LINGO2: variants seen among roughly 807,000 people sequenced by gnomAD.
LINGO2 encodes leucine rich repeat and Ig domain containing 2, also known as leucine-rich repeat and immunoglobulin-like domain-containing nogo receptor-interacting protein 2.
LINGO2 carries 14 observed loss-of-function variants against 30.6 expected under a neutral mutation model. The observed-to-expected ratio is 0.46, with a 90% CI of 0.30 to 0.72. The LOEUF is 0.72. Among genes scored for constraint, LINGO2 ranks in the 30% least tolerant of loss-of-function variants. The pLI, the probability that LINGO2 is intolerant of heterozygous loss-of-function variation, is 0.07. For synonymous variants in LINGO2, 317 were observed against 288.5 expected, an observed-to-expected ratio of 1.10 and a Z score of -1.00; for missense variants, 729 against 751.7, an observed-to-expected ratio of 0.97 and a Z score of 0.35.
chr9:29,155,765 T>G, the LINGO2 span, among the ~76,000 whole-genome samples: 1 of 152,054 alleles, frequency 6.6e-6, no homozygotes, highest in African/African-American at 2.4e-5. Flanking sequence ...TATGTTACTG[T>G]CAATAATGCT....
intron 1 of LINGO2, among the ~76,000 whole-genome samples, chr9:28,513,673 G>C (rs1820504536): frequency 1.3e-5 from 2 of 152,126 alleles, no homozygotes; most frequent in Non-Finnish European, 2.9e-5. Flanking sequence ...AAAAAATTCA[G>C]ATATTGTTCT....
chr9:28,099,867 G>T (rs1409407962), intron 4 of LINGO2, among the ~76,000 whole-genome samples: 1 of 152,072 alleles, frequency 6.6e-6, no homozygotes, highest in East Asian at 1.9e-4. Context: ...GTTCAACTCA[G>T]ACCCTTTACT....
chr9:28,631,309 C>T (rs116468201), intron 1 of LINGO2, among the ~76,000 whole-genome samples: 2,834 of 150,990 alleles, frequency 0.019, 62 homozygotes, highest in African/African-American at 0.039. Context: ...TACCTCCCCC[C>T]ACCCCCACCC....
In LINGO2 at chr9:28,005,283, C is replaced by T. The variant is rs76135615; in HGVS notation, c.-36+7072G>A. ...ACCATGGACACTTTAGAAGTTAAGA[C>T]CATGTGTAGCTGTTTTAACCTTAGC... is the stretch of plus-strand genomic sequence containing the variant. On this transcript the variant is annotated intron_variant, in intron 5 of 5. Coordinates refer to ENST00000379992, the Ensembl canonical transcript of LINGO2. Among the ~76,000 whole-genome samples, 757 of 152,214 alleles carry T rather than the reference C, an allele frequency of 5.0e-3. 2 individuals are homozygous for T. Among genetic ancestry groups the T allele is most frequent in the Non-Finnish European group, 9.0e-3 (609 of 68,010 alleles).
the LINGO2 span, among the ~76,000 whole-genome samples, chr9:29,154,499 G>A: frequency 6.6e-6 from 1 of 150,796 alleles, no homozygotes; most frequent in Non-Finnish European, 1.5e-5. Flanking sequence ...GGCTGAATAG[G>A]AATCTGTAAG....
the LINGO2 span, among the ~76,000 whole-genome samples, chr9:29,005,383 T>C: frequency 1.5e-4 from 23 of 151,790 alleles, no homozygotes; most frequent in Non-Finnish European, 2.9e-4. Flanking sequence ...TAGAAAAATA[T>C]ATAGAGTCAT....
intron 4 of LINGO2, among the ~76,000 whole-genome samples, chr9:28,294,249 GTTTAC>G (rs1207619669): frequency 6.6e-6 from 1 of 151,994 alleles, no homozygotes; most frequent in Non-Finnish European, 1.5e-5. Context: ...ACTGAGTTCC[GTTTAC>G]TTTATTTTCA....
At chr9:27,999,619 G>T (rs879240676) in intron 5 of LINGO2, among the ~76,000 whole-genome samples, 1 of 152,116 alleles carries the variant, frequency 6.6e-6, no homozygotes, top group Non-Finnish European at 1.5e-5. Flanking sequence ...CCCTGGAAGA[G>T]ACTGCCACCA....
chr9:28,310,788 T>A (rs1824584254), intron 3 of LINGO2, among the ~76,000 whole-genome samples: 1 of 152,208 alleles, frequency 6.6e-6, no homozygotes, highest in African/African-American at 2.4e-5. Flanking sequence ...AAGTTTAATT[T>A]GAAAATTTCT....
At chr9:28,306,393 A>G (rs1047371651) in intron 3 of LINGO2, among the ~76,000 whole-genome samples, 3 of 152,192 alleles carry the variant, frequency 2.0e-5, no homozygotes, top group African/African-American at 7.2e-5. Context: ...GAACAAAGAC[A>G]CAACGTACCA....
chr9:28,280,925 C>T (rs1823299920), intron 4 of LINGO2, among the ~76,000 whole-genome samples: 1 of 152,124 alleles, frequency 6.6e-6, no homozygotes, highest in African/African-American at 2.4e-5. Flanking sequence ...TGATTATTTT[C>T]TTATGTAGCA....
intron 3 of LINGO2, among the ~76,000 whole-genome samples, chr9:28,323,616 A>G (rs895435471): frequency 1.3e-5 from 2 of 152,198 alleles, no homozygotes; most frequent in African/African-American, 4.8e-5. Flanking sequence ...TCAATAAAAT[A>G]AGAAGCAAGC....
At chr9:28,959,007 GAA>G in the LINGO2 span, among the ~76,000 whole-genome samples, 1 of 152,084 alleles carries the variant, frequency 6.6e-6, no homozygotes, top group African/African-American at 2.4e-5. Flanking sequence ...GAACTTGGTG[GAA>G]CACAATCATT....
At chr9:28,962,378 T>A in the LINGO2 span, among the ~76,000 whole-genome samples, 1 of 152,100 alleles carries the variant, frequency 6.6e-6, no homozygotes. Context: ...TTTCCACTCA[T>A]ACCTTTAGAT....
chr9:28,218,150 CAT>C (rs1221390324), intron 4 of LINGO2, among the ~76,000 whole-genome samples: 1 of 148,394 alleles, frequency 6.7e-6, no homozygotes, highest in Admixed American at 6.7e-5. Flanking sequence ...TCTAATATAA[CAT>C]TATCAAATAA....
intron 5 of LINGO2, among the ~76,000 whole-genome samples, chr9:27,982,950 C>T (rs967690437): frequency 1.3e-5 from 2 of 151,790 alleles, no homozygotes; most frequent in Non-Finnish European, 2.9e-5. Context: ...ATCCATTGTA[C>T]ATGCAGCACA....
At chr9:28,866,110 T>C in the LINGO2 span, among the ~76,000 whole-genome samples, 19 of 152,060 alleles carry the variant, frequency 1.2e-4, no homozygotes, top group Non-Finnish European at 2.6e-4. Context: ...TTTCCCACAT[T>C]TTCTGTCAAA....
chr9:27,950,217 A>AG lies in LINGO2; in HGVS notation c.454dup (p.Leu152ProfsTer3). ...CACTTCTAGAGACTTCAGGTTATGT[A>AG]GATCTTGGAACATGTAGTCTAGTAA... is the stretch of plus-strand genomic sequence containing the variant. On this transcript the variant is annotated frameshift_variant, in exon 6 of 6. Coordinates refer to ENST00000379992, the Ensembl canonical transcript of LINGO2. LOFTEE classifies it high-confidence loss of function. 1 of 1,614,034 alleles carries AG rather than the reference A, an allele frequency of 6.2e-7. No individual in the cohort carries two copies. Among genetic ancestry groups the AG allele is most frequent in the Non-Finnish European group, 8.5e-7 (1 of 1,179,966 alleles).
At chr9:29,160,686 C>G in the LINGO2 span, among the ~76,000 whole-genome samples, 5 of 152,222 alleles carry the variant, frequency 3.3e-5, no homozygotes, top group South Asian at 1.0e-3. Flanking sequence ...TGCTAAGGGA[C>G]AGATATATAT....
Sources: gnomAD v4.1 joint callset for allele counts (sites outside exome capture counted in the v4.1 genomes callset) on GRCh38, gnomAD v4.1.1 for gene constraint, MANE v1.5 for transcripts, NCBI Gene and HGNC (gene_info 2026-07-23, HGNC 2026-07-21) for gene names.